Variants in CYYR1 observed in about 807,000 individuals in gnomAD.
CYYR1 encodes cysteine and tyrosine-rich protein 1.
CYYR1 carries 14 observed loss-of-function variants against 15.2 expected under a neutral mutation model. The ratio of observed to expected loss-of-function variants is 0.92; its 90% CI spans 0.61 to 1.44. CYYR1 has a LOEUF of 1.44. Ranked by LOEUF, CYYR1 falls within the 40% of genes most tolerant of loss-of-function variation. The pLI, the probability that CYYR1 is intolerant of heterozygous loss-of-function variation, is 0.00. For synonymous variants in CYYR1, 80 were observed against 77.4 expected (o/e 1.03, Z -0.18); for missense variants, 228 against 209.5 (o/e 1.09, Z -0.54).
chr21:26,491,903 TCTC>T (rs1184627482), intron 2 of CYYR1, among the ~76,000 whole-genome samples: 4 of 152,102 alleles, frequency 2.6e-5, no homozygotes, highest in African/African-American at 9.7e-5. Context: ...GCTGGGGAGA[TCTC>T]CTGTTCTAGG....
At chr21:26,572,472 T>C (rs1981067464) in intron 1 of CYYR1, among the ~76,000 whole-genome samples, 1 of 152,106 alleles carries the variant, frequency 6.6e-6, no homozygotes, top group African/African-American at 2.4e-5. Flanking sequence ...AAAACAAAGC[T>C]CTAAGTTTTT....
At chr21:26,470,224 T>A (rs2065017779) in intron 3 of CYYR1, among the ~76,000 whole-genome samples, 1 of 152,198 alleles carries the variant, frequency 6.6e-6, no homozygotes, top group Admixed American at 6.6e-5. Flanking sequence ...TTAAAGTAAT[T>A]GCAAAAACTG....
chr21:26,545,593 T>TTTTTTTGG (rs1978911005), intron 2 of CYYR1, among the ~76,000 whole-genome samples: 1 of 138,590 alleles, frequency 7.2e-6, no homozygotes, highest in African/African-American at 2.8e-5. Flanking sequence ...TTTTTTTTTT[T>TTTTTTTGG]GAGACGGAGT....
chr21:26,470,830 A>G (rs929130210), intron 3 of CYYR1: 2 of 152,410 alleles, frequency 1.3e-5, no homozygotes, highest in African/African-American at 4.8e-5. Context: ...AGGAAGCAGA[A>G]TTGAGCCAAT....
chr21:26,562,897 G>A (rs902606649), intron 2 of CYYR1, among the ~76,000 whole-genome samples: 17 of 151,692 alleles, frequency 1.1e-4, no homozygotes, highest in African/African-American at 4.1e-4. Context: ...AGAATTATTT[G>A]TCTATGCTCT....
intron 2 of CYYR1, among the ~76,000 whole-genome samples, chr21:26,490,127 C>A (rs2065308244): frequency 6.6e-6 from 1 of 151,912 alleles, no homozygotes; most frequent in Non-Finnish European, 1.5e-5. Context: ...CATGGTGAAA[C>A]CCTGCCTGTA....
At chr21:26,527,642 C>CATATTTCAT (rs2065884137) in intron 2 of CYYR1, among the ~76,000 whole-genome samples, 1 of 151,960 alleles carries the variant, frequency 6.6e-6, no homozygotes, top group African/African-American at 2.4e-5. Flanking sequence ...TTTTATTTTG[C>CATATTTCAT]CTGAATATGG....
chr21:26,517,067 A>G (rs1334991231), intron 2 of CYYR1, among the ~76,000 whole-genome samples: 1 of 133,038 alleles, frequency 7.5e-6, no homozygotes, highest in Non-Finnish European at 1.5e-5. Flanking sequence ...GTGAGCCGAG[A>G]TCGCGCCACT....
intron 3 of CYYR1, among the ~76,000 whole-genome samples, chr21:26,479,477 T>G (rs2123395948): frequency 6.6e-6 from 1 of 152,262 alleles, no homozygotes; most frequent in East Asian, 1.9e-4. Context: ...AGAACTTGCC[T>G]GCTTTTTATA....
chr21:26,469,681 A>C (rs569554429), intron 3 of CYYR1, among the ~76,000 whole-genome samples: 91 of 152,178 alleles, frequency 6.0e-4, no homozygotes, highest in African/African-American at 2.0e-3. Context: ...ATTATTGTTG[A>C]CTATAGTCAT....
chr21:26,504,723 G>A (rs772900150), intron 2 of CYYR1, among the ~76,000 whole-genome samples: 17 of 152,110 alleles, frequency 1.1e-4, no homozygotes, highest in South Asian at 2.1e-4. Flanking sequence ...TATAGTCACC[G>A]TATTGTGCTA....
At chr21:26,564,826 C>T in intron 2 of CYYR1, 1 of 1,244,782 alleles carries the variant, frequency 8.0e-7, no homozygotes, top group Non-Finnish European at 1.0e-6. Context: ...ACAGCAGCAT[C>T]TGGTATGTGG....
intron 2 of CYYR1, among the ~76,000 whole-genome samples, chr21:26,557,970 T>G (rs1462074972): frequency 6.6e-6 from 1 of 152,224 alleles, no homozygotes; most frequent in Non-Finnish European, 1.5e-5. Flanking sequence ...GTTCCTCTCA[T>G]TTAGCCCCAA....
chr21:26,505,527 G>T (rs1195641751), intron 2 of CYYR1, among the ~76,000 whole-genome samples: 1 of 152,134 alleles, frequency 6.6e-6, no homozygotes, highest in Non-Finnish European at 1.5e-5. Flanking sequence ...TGTATTTATT[G>T]TACCTAAAGG....
At chr21:26,555,044 G>A (rs922815650) in intron 2 of CYYR1, among the ~76,000 whole-genome samples, 6 of 152,192 alleles carry the variant, frequency 3.9e-5, no homozygotes, top group South Asian at 2.1e-4. Context: ...ACTGAGGCTC[G>A]GTGATATTAG....
chr21:26,572,063 G>T (rs1004394370), intron 1 of CYYR1, among the ~76,000 whole-genome samples: 1 of 152,162 alleles, frequency 6.6e-6, no homozygotes, highest in Non-Finnish European at 1.5e-5. Context: ...CGTATTGGAG[G>T]CTCAGGGGTG....
At chr21:26,511,980 T>TCACACACACA (rs1464429095) in intron 2 of CYYR1, among the ~76,000 whole-genome samples, 1 of 111,716 alleles carries the variant, frequency 9.0e-6, no homozygotes, top group East Asian at 2.1e-4. Flanking sequence ...GTCAACAATA[T>TCACACACACA]CACACATACA....
At chr21:26,563,294 G>T (rs1980371412) in intron 2 of CYYR1, among the ~76,000 whole-genome samples, 1 of 151,992 alleles carries the variant, frequency 6.6e-6, no homozygotes, top group Non-Finnish European at 1.5e-5. Context: ...AAAAATGAGA[G>T]GGCAGGGCAC....
chr21:26,563,175 A>G (rs897487997), intron 2 of CYYR1, among the ~76,000 whole-genome samples: 9 of 152,188 alleles, frequency 5.9e-5, no homozygotes, highest in African/African-American at 2.2e-4. Context: ...AGTTTTTCAT[A>G]AGACAGAAGT....
Sources: allele counts gnomAD v4.1 joint callset (sites outside exome capture counted in the v4.1 genomes callset), GRCh38; gene constraint gnomAD v4.1.1; transcripts MANE v1.5; gene names NCBI Gene and HGNC (gene_info 2026-07-23, HGNC 2026-07-21).